SEPTIN9: variants seen among roughly 807,000 people sequenced by gnomAD.
The protein encoded by SEPTIN9 is septin-9.
A neutral mutation model predicts 56.6 loss-of-function variants in SEPTIN9; 13 were observed. That is an observed-to-expected ratio of 0.23 (90% CI 0.15 to 0.37). The LOEUF (loss-of-function observed/expected upper bound fraction) is 0.37, where lower values mean the gene tolerates loss of function less well. Among genes scored for constraint, SEPTIN9 ranks in the 10% least tolerant of loss-of-function variants. The pLI is 1.00. For synonymous variants in SEPTIN9, 332 were observed against 334.1 expected (o/e 0.99, Z 0.07); for missense variants, 650 against 823.1 (o/e 0.79, Z 2.57).
chr17:77,340,327 G>A (rs937224685), intron 2 of SEPTIN9, among the ~76,000 whole-genome samples: 2 of 151,404 alleles, frequency 1.3e-5, no homozygotes, highest in African/African-American at 4.9e-5. Context: ...TTTTAGTAGA[G>A]ATGCGGTTTC....
chr17:77,281,657 C>A, intron 1 of SEPTIN9, 103 bp downstream of exon 1: 1 of 1,156,634 alleles, frequency 8.6e-7, no homozygotes, highest in Non-Finnish European at 1.2e-6. Flanking sequence ...CGGAGCTGAG[C>A]GAGTCCCCGC....
At chr17:77,448,514 G>A (rs1024912432) in intron 3 of SEPTIN9, among the ~76,000 whole-genome samples, 10 of 151,592 alleles carry the variant, frequency 6.6e-5, no homozygotes, top group African/African-American at 2.4e-4. Context: ...GAGACTCTCC[G>A]AGCTGCACTG....
rs2037240485 is a variant in SEPTIN9 at position 77,433,819 on chromosome 17, C to T, written c.721+31116C>T. On this transcript the variant is annotated intron_variant, in intron 3 of 11. Coordinates refer to ENST00000427177, the MANE Select transcript of SEPTIN9 (RefSeq NM_001113491.2). This position sits in a 1 kb window ranked among gnomAD's most constrained non-coding sequence, Gnocchi z 6.4. ...TATCCCCTGCGCCCCCCGCCCCAGG[C>T]ACTTGATGTTGCCTGTTCATTTTCC... Among the ~76,000 whole-genome samples the T allele has an allele frequency of 6.6e-6, 1 of 152,160 alleles. No individual in the cohort carries two copies. Among genetic ancestry groups the T allele is most frequent in the South Asian group, 2.1e-4 (1 of 4,832 alleles).
intron 1 of SEPTIN9, among the ~76,000 whole-genome samples, chr17:77,305,293 G>T (rs142971030): frequency 1.4e-3 from 211 of 152,274 alleles, no homozygotes; most frequent in African/African-American, 5.1e-3. Flanking sequence ...TGGGCAGTTT[G>T]CCCAGCCCTG....
At chr17:77,377,500 T>C (rs956580149) in intron 2 of SEPTIN9, among the ~76,000 whole-genome samples, 3 of 151,866 alleles carry the variant, frequency 2.0e-5, no homozygotes, top group Non-Finnish European at 2.9e-5. Flanking sequence ...GTCCTTGATG[T>C]TTGTTGAAAC....
chr17:77,491,025 G>T (rs1348013390), intron 8 of SEPTIN9, among the ~76,000 whole-genome samples, 166 bp downstream of exon 8: 1 of 152,190 alleles, frequency 6.6e-6, no homozygotes, highest in Non-Finnish European at 1.5e-5. Context: ...CCAGGTGGCT[G>T]CTGGGGGCCG....
intron 3 of SEPTIN9, among the ~76,000 whole-genome samples, chr17:77,459,214 G>C (rs1302503457): frequency 6.6e-6 from 1 of 152,210 alleles, no homozygotes; most frequent in Non-Finnish European, 1.5e-5. Context: ...TCCCTTAGCT[G>C]TCCTTAACCA....
chr17:77,377,843 C>T (rs1033650807), intron 2 of SEPTIN9, among the ~76,000 whole-genome samples: 2 of 152,144 alleles, frequency 1.3e-5, no homozygotes, highest in East Asian at 3.8e-4. Flanking sequence ...GCCTTTCAGC[C>T]AAGACTCAAG....
chr17:77,309,898 G>A (rs999545066), intron 2 of SEPTIN9, among the ~76,000 whole-genome samples: 6 of 152,154 alleles, frequency 3.9e-5, no homozygotes, highest in Admixed American at 3.3e-4. Flanking sequence ...CTCCTGCTGC[G>A]GTGCCCGCCC....
At chr17:77,440,217 C>T (rs1330997219) in intron 3 of SEPTIN9, among the ~76,000 whole-genome samples, 1 of 152,090 alleles carries the variant, frequency 6.6e-6, no homozygotes, top group Non-Finnish European at 1.5e-5. Context: ...TGCAGTAGCA[C>T]AATCTTGGCT....
At chr17:77,376,029 A>G in intron 2 of SEPTIN9, 4 of 888,898 alleles carry the variant, frequency 4.5e-6, no homozygotes, top group Non-Finnish European at 5.4e-6. Flanking sequence ...TGATGTGGAC[A>G]GGCAGCTTCC....
intron 10 of SEPTIN9, chr17:77,496,978 C>G: frequency 2.5e-6 from 1 of 405,238 alleles, no homozygotes; most frequent in South Asian, 2.5e-5. Context: ...GTGCGGGGGC[C>G]CACTGCCCTG....
intron 2 of SEPTIN9, among the ~76,000 whole-genome samples, chr17:77,386,076 G>GC (rs1284152580): frequency 2.0e-5 from 3 of 152,174 alleles, no homozygotes; most frequent in African/African-American, 7.2e-5. Context: ...TGTAGATGGC[G>GC]CTTGTGACTC....
intron 2 of SEPTIN9, among the ~76,000 whole-genome samples, chr17:77,391,961 A>G (rs1356635341): frequency 2.0e-5 from 3 of 152,222 alleles, no homozygotes; most frequent in Non-Finnish European, 4.4e-5. Context: ...TCCATCTTAC[A>G]GGGACCCAGG....
Position 77,402,400 on chromosome 17 carries a change from C to T in SEPTIN9, c.418C>T (p.His140Tyr). The change falls in exon 3 of 12, where the codon CAC becomes TAC. Residue 140 changes from histidine to tyrosine, a missense_variant. His to Tyr is a moderately conservative substitution (Grantham distance 83, BLOSUM62 2). Coordinates refer to ENST00000427177, the MANE Select transcript of SEPTIN9 (RefSeq NM_001113491.2). The surrounding 1 kb of genome is among the most constrained non-coding windows in gnomAD (Gnocchi z 6.6). Reference sequence around the variant, plus strand: ...GCTCAAGAGGGCCGAGGTGTTGGGCCACAAGACGCCAGAACCGGCCCCTCG... The same window carrying T: ...GCTCAAGAGGGCCGAGGTGTTGGGCTACAAGACGCCAGAACCGGCCCCTCG... ...FGLKRAEVLG[H>Y]KTPEPAPRRT... 1 of 1,611,310 alleles carries T rather than the reference C, an allele frequency of 6.2e-7. No homozygotes were observed. Among genetic ancestry groups the T allele is most frequent in the Non-Finnish European group, 8.5e-7 (1 of 1,179,248 alleles).
intron 1 of SEPTIN9, among the ~76,000 whole-genome samples, chr17:77,284,542 T>C (rs2031187783): frequency 6.6e-6 from 1 of 152,230 alleles, no homozygotes; most frequent in Non-Finnish European, 1.5e-5. Context: ...CTCACCAGGC[T>C]GCGCCTCTCC....
chr17:77,477,733 G>A (rs752300916), intron 3 of SEPTIN9, among the ~76,000 whole-genome samples: 6 of 152,200 alleles, frequency 3.9e-5, no homozygotes, highest in Non-Finnish European at 8.8e-5. Flanking sequence ...CTTTGAGCCA[G>A]AAACCAGAGC....
At chr17:77,307,378 G>A (rs2032312960) in intron 2 of SEPTIN9, among the ~76,000 whole-genome samples, 181 bp downstream of exon 2, 1 of 152,238 alleles carries the variant, frequency 6.6e-6, no homozygotes, top group Admixed American at 6.5e-5. Context: ...TTCCAGGCCT[G>A]TCGACGCTGC....
In SEPTIN9 at chr17:77,453,461, C is replaced by A. The variant is rs534283054; in HGVS notation, c.722-28683C>A. Among the ~76,000 whole-genome samples, 2 of 152,000 alleles carry A rather than the reference C, an allele frequency of 1.3e-5. No individual in the cohort carries two copies. Among genetic ancestry groups the A allele is most frequent in the South Asian group, 2.1e-4 (1 of 4,830 alleles). On this transcript the variant is annotated intron_variant, in intron 3 of 11. Coordinates refer to ENST00000427177, the MANE Select transcript of SEPTIN9 (RefSeq NM_001113491.2). The surrounding 1 kb of genome is among the most constrained non-coding windows in gnomAD (Gnocchi z 4.4). ...TCTCTACTAAAAATACTGGCTAATC[C>A]GGGCATGGTGGCGCGTGCCTGTAAT...
Sources: allele counts gnomAD v4.1 joint callset (sites outside exome capture counted in the v4.1 genomes callset), GRCh38; gene constraint gnomAD v4.1.1; non-coding constraint Gnocchi (gnomAD v3.1); transcripts MANE v1.5; gene names NCBI Gene and HGNC (gene_info 2026-07-23, HGNC 2026-07-21).